Variants in CAMTA1 observed in about 807,000 individuals in gnomAD.
CAMTA1 encodes the protein calmodulin-binding transcription activator 1.
CAMTA1 carries 27 observed loss-of-function variants against 170.9 expected under a neutral mutation model. That is an observed-to-expected ratio of 0.16 (90% CI 0.12 to 0.22). CAMTA1 has a LOEUF of 0.22. Among genes scored for constraint, CAMTA1 ranks in the 10% least tolerant of loss-of-function variants. The pLI, the probability that CAMTA1 is intolerant of heterozygous loss-of-function variation, is 1.00. For missense variants in CAMTA1, 1,619 were observed against 2,217.2 expected (o/e 0.73, Z 5.42); for synonymous variants, 833 against 891.5 (o/e 0.93, Z 1.17).
rs551247970 is a variant in CAMTA1, at chr1:7,438,973, G to A, written c.439-28857G>A. Among the ~76,000 whole-genome samples, 4 of 152,298 alleles carry A rather than the reference G, an allele frequency of 2.6e-5. No homozygotes were observed. The East Asian group carries it at 5.8e-4, about 22-fold the overall frequency. On this transcript the variant is annotated intron_variant, in intron 5 of 22. Transcript: ENST00000303635. ...CGGTGCCTGCACAGAGAGGTGTCAC[G>A]GAGCCGCCTCTCATCACACCAGGGC...
rs1048846136 is a variant in CAMTA1, at chr1:6,934,681, C to A, written c.234+109471C>A. 6.6e-6 allele frequency among the ~76,000 whole-genome samples: 1 copy of A among 152,036 alleles called. No homozygotes were observed. Among genetic ancestry groups the A allele is most frequent in the African/African-American group, 2.4e-5 (1 of 41,400 alleles). ...AATGCCTCCCCTCCCTTCACCACCA[C>A]CCCCTCCCCTCTCTCCCCTCTTATG... is the stretch of plus-strand genomic sequence containing the variant. On this transcript the variant is annotated intron_variant, in intron 3 of 22. Transcript: ENST00000303635. This position sits in a 1 kb window ranked among gnomAD's most constrained non-coding sequence, Gnocchi z 4.5.
intron 6 of CAMTA1, among the ~76,000 whole-genome samples, chr1:7,535,840 C>G (rs1467275465): frequency 6.6e-6 from 1 of 152,152 alleles, no homozygotes; most frequent in Non-Finnish European, 1.5e-5. Context: ...GCTTCTACCC[C>G]ACAGGAACCT....
intron 1 of CAMTA1, among the ~76,000 whole-genome samples, chr1:6,810,907 A>T (rs545639459): frequency 1.3e-5 from 2 of 152,298 alleles, no homozygotes; most frequent in Middle Eastern, 3.4e-3. Flanking sequence ...AAGGCATTAT[A>T]ACAGTTCTTC....
At position 7,365,476 on chromosome 1, in the gene CAMTA1, T is replaced by C. The variant is rs541146264; in HGVS notation, c.439-102354T>C. On this transcript the variant is annotated intron_variant, in intron 5 of 22. Coordinates refer to ENST00000303635, the MANE Select transcript of CAMTA1 (RefSeq NM_015215.4). ...AAAAAATAATTTCAGACCTTTTTTTTTAATGCTTCTAAAAGTATAAACGTG... is the reference window on the plus strand; with the variant it reads ...AAAAAATAATTTCAGACCTTTTTTTCTAATGCTTCTAAAAGTATAAACGTG... Among the ~76,000 whole-genome samples, 17 of 152,344 alleles carry C rather than the reference T, an allele frequency of 1.1e-4. No individual in the cohort carries two copies. The East Asian group carries it at 3.1e-3, about 28-fold the overall frequency.
At chr1:7,505,870 C>T (rs1449256121) in intron 6 of CAMTA1, among the ~76,000 whole-genome samples, 1 of 152,176 alleles carries the variant, frequency 6.6e-6, no homozygotes, top group African/African-American at 2.4e-5. Context: ...TCCCAGCGGG[C>T]ACAGCTGACC....
intron 1 of CAMTA1, among the ~76,000 whole-genome samples, chr1:6,789,649 G>A (rs1020355826): frequency 2.6e-5 from 4 of 152,014 alleles, no homozygotes; most frequent in African/African-American, 7.2e-5. Context: ...GGGAGAAGTC[G>A]TTTTTGTATT....
chr1:6,992,797 A>G (rs1484238889), intron 3 of CAMTA1, among the ~76,000 whole-genome samples: 2 of 152,190 alleles, frequency 1.3e-5, no homozygotes, highest in East Asian at 1.9e-4. Flanking sequence ...CCATGATCCA[A>G]TCACCTCCCA....
rs550726320 is a variant in CAMTA1, at chr1:7,277,919, A to G, written c.438+28293A>G. Among the ~76,000 whole-genome samples, 46 of 152,294 alleles carry G rather than the reference A, an allele frequency of 3.0e-4. No homozygotes were observed. The East Asian group carries it at 8.9e-3, about 29-fold the overall frequency. On this transcript the variant is annotated intron_variant, in intron 5 of 22. Transcript: ENST00000303635. ...ACCTGTTCACTGACATTAGACATTG[A>G]GACTATTACTACTATTTGCCATTAG...
At chr1:7,187,050 C>G (rs535125395) in intron 4 of CAMTA1, among the ~76,000 whole-genome samples, 1 of 152,102 alleles carries the variant, frequency 6.6e-6, no homozygotes, top group East Asian at 1.9e-4. Context: ...GAGGTGCTCA[C>G]CTGTGATGGG....
intron 3 of CAMTA1, among the ~76,000 whole-genome samples, chr1:6,961,288 C>T (rs1322609163): frequency 6.6e-6 from 1 of 152,132 alleles, no homozygotes; most frequent in Non-Finnish European, 1.5e-5. Context: ...AGAAGGAGCA[C>T]GCTGGAAGGA....
At chr1:6,826,792 T>G (rs1647183783) in intron 3 of CAMTA1, among the ~76,000 whole-genome samples, 1 of 152,236 alleles carries the variant, frequency 6.6e-6, no homozygotes, top group African/African-American at 2.4e-5. Flanking sequence ...AGAAATTGCT[T>G]AGTGAATTAA....
chr1:7,593,561 C>T (rs1225157742), intron 6 of CAMTA1, among the ~76,000 whole-genome samples: 1 of 149,014 alleles, frequency 6.7e-6, no homozygotes, highest in African/African-American at 2.5e-5. Flanking sequence ...GTGATCTTGG[C>T]TCACTACAAC....
intron 5 of CAMTA1, among the ~76,000 whole-genome samples, chr1:7,461,142 C>T (rs2093077795): frequency 6.6e-6 from 1 of 152,326 alleles, no homozygotes; most frequent in East Asian, 1.9e-4. Flanking sequence ...GGGAGGGGAG[C>T]TCAGGAATGA....
At chr1:7,360,699 C>T (rs1446279486) in intron 5 of CAMTA1, among the ~76,000 whole-genome samples, 1 of 152,188 alleles carries the variant, frequency 6.6e-6, no homozygotes, top group East Asian at 1.9e-4. Context: ...CCCTCTTAGC[C>T]TTGTCCCATT....
chr1:7,762,771 G>C (rs2096985442), intron 22 of CAMTA1, among the ~76,000 whole-genome samples: 1 of 152,092 alleles, frequency 6.6e-6, no homozygotes, highest in Admixed American at 6.6e-5. Context: ...AAATAATTGT[G>C]TTGTAAAATC....
intron 3 of CAMTA1, among the ~76,000 whole-genome samples, chr1:6,862,837 A>G (rs142545964): frequency 1.3e-5 from 2 of 152,362 alleles, no homozygotes; most frequent in Non-Finnish European, 2.9e-5. Context: ...AATTAGAGCG[A>G]GGCTCTTTTC....
intron 7 of CAMTA1, among the ~76,000 whole-genome samples, chr1:7,651,299 C>T (rs2095847404): frequency 6.6e-6 from 1 of 152,168 alleles, no homozygotes; most frequent in African/African-American, 2.4e-5. Flanking sequence ...AGGACACTGC[C>T]CCTCGTCCTT....
At chr1:6,957,539 C>T (rs1689656767) in intron 3 of CAMTA1, among the ~76,000 whole-genome samples, 1 of 152,124 alleles carries the variant, frequency 6.6e-6, no homozygotes, top group Non-Finnish European at 1.5e-5. Flanking sequence ...TGATTGGTGG[C>T]CCCTTCCTCC....
At chr1:7,436,235 G>A (rs1222586427) in intron 5 of CAMTA1, among the ~76,000 whole-genome samples, 1 of 152,216 alleles carries the variant, frequency 6.6e-6, no homozygotes, top group East Asian at 1.9e-4. Flanking sequence ...AAGAGAGTGT[G>A]TTTGAAGCTG....
Sources: allele counts gnomAD v4.1 joint callset (sites outside exome capture counted in the v4.1 genomes callset), GRCh38; gene constraint gnomAD v4.1.1; non-coding constraint Gnocchi (gnomAD v3.1); transcripts MANE v1.5; gene names NCBI Gene and HGNC (gene_info 2026-07-23, HGNC 2026-07-21).